The following RBMS3 variants were observed in gnomAD, a reference collection of about 807,000 sequenced individuals.
RBMS3 encodes the protein RNA binding motif single stranded interacting protein 3.
In RBMS3, 27 loss-of-function variants were observed where a neutral mutation model predicts 66.8. That is an observed-to-expected ratio of 0.40 (90% CI 0.30 to 0.56). RBMS3 has a LOEUF of 0.56. Among genes scored for constraint, RBMS3 ranks in the 20% least tolerant of loss-of-function variants. The pLI is 0.40. For synonymous variants in RBMS3, 188 were observed against 183.0 expected (o/e 1.03, Z -0.22); for missense variants, 513 against 549.5 (o/e 0.93, Z 0.66).
intron 11 of RBMS3, among the ~76,000 whole-genome samples, chr3:29,938,384 T>A (rs1442746207): frequency 6.6e-6 from 1 of 151,980 alleles, no homozygotes; most frequent in East Asian, 1.9e-4. Context: ...TTCCACTAGC[T>A]TTTTTCTTTT....
intron 6 of RBMS3, among the ~76,000 whole-genome samples, chr3:29,867,234 A>G (rs1266192529): frequency 1.3e-5 from 2 of 151,942 alleles, no homozygotes; most frequent in Non-Finnish European, 2.9e-5. Context: ...AAATGCAAGG[A>G]ATCTAGCTGG....
At chr3:29,432,015 A>G (rs750746965) in intron 1 of RBMS3, among the ~76,000 whole-genome samples, 6 of 152,178 alleles carry the variant, frequency 3.9e-5, no homozygotes, top group Non-Finnish European at 7.3e-5. Context: ...GGCGTGAACC[A>G]TAGTGCCCAG....
At chr3:29,999,214 TATC>T (rs1699451860) in intron 14 of RBMS3, among the ~76,000 whole-genome samples, 2 of 152,310 alleles carry the variant, frequency 1.3e-5, no homozygotes, top group African/African-American at 4.8e-5. Flanking sequence ...CACAATGAGA[TATC>T]ATGTTACACC....
chr3:29,826,674 T>C (rs994490410), intron 6 of RBMS3, among the ~76,000 whole-genome samples: 2 of 152,166 alleles, frequency 1.3e-5, no homozygotes, highest in South Asian at 2.1e-4. Flanking sequence ...TCTAATTACT[T>C]AACTTTTTCA....
rs1033695236 is a variant in RBMS3 at position 30,006,748 on chromosome 3, T to A, written c.*2886T>A. The A allele has an allele frequency of 1.3e-5, 2 of 151,982 alleles. No individual in the cohort carries two copies. Among genetic ancestry groups the A allele is most frequent in the Non-Finnish European group, 2.9e-5 (2 of 67,904 alleles). 9.4% of individuals were successfully genotyped at this position (151,982 alleles called of 1,614,324 possible). Reference sequence around the variant, plus strand: ...TTTTGTGAAAAAATAACCAAAAACATGTATTAATGTGATACAAAGAAAGTC... The same window carrying A: ...TTTTGTGAAAAAATAACCAAAAACAAGTATTAATGTGATACAAAGAAAGTC... On this transcript the variant is annotated 3_prime_UTR_variant, in exon 15 of 15. Transcript: ENST00000383767.
At chr3:29,345,836 G>C (rs1355238646) in intron 1 of RBMS3, among the ~76,000 whole-genome samples, 1 of 152,208 alleles carries the variant, frequency 6.6e-6, no homozygotes, top group African/African-American at 2.4e-5. Context: ...AGTAAGAGAA[G>C]TGTTTCAAAC....
At chr3:29,340,222 A>C (rs930300244) in intron 1 of RBMS3, among the ~76,000 whole-genome samples, 1 of 152,136 alleles carries the variant, frequency 6.6e-6, no homozygotes, top group African/African-American at 2.4e-5. Context: ...ACAACAACAA[A>C]AATAAGTATT....
chr3:29,686,021 A>G (rs899724806), intron 4 of RBMS3, among the ~76,000 whole-genome samples: 1 of 152,196 alleles, frequency 6.6e-6, no homozygotes, highest in African/African-American at 2.4e-5. Context: ...GATCTTCATT[A>G]CTGGAGATGG....
chr3:29,904,357 A>G (rs941999192), intron 10 of RBMS3, among the ~76,000 whole-genome samples: 4 of 152,032 alleles, frequency 2.6e-5, no homozygotes, highest in Non-Finnish European at 5.9e-5. Context: ...ATGAAATTAT[A>G]TATTTGCATG....
chr3:29,918,009 C>A (rs887517065), intron 10 of RBMS3, among the ~76,000 whole-genome samples: 3 of 152,084 alleles, frequency 2.0e-5, no homozygotes, highest in African/African-American at 7.2e-5. Context: ...CTGAATATAA[C>A]AGGATAATGT....
intron 1 of RBMS3, among the ~76,000 whole-genome samples, chr3:29,403,118 A>T (rs1168755457): frequency 2.0e-5 from 3 of 152,034 alleles, no homozygotes; most frequent in Non-Finnish European, 4.4e-5. Context: ...TCTCAAGCCA[A>T]ATAAAAGAGT....
intron 4 of RBMS3, among the ~76,000 whole-genome samples, chr3:29,646,377 A>G (rs2049921812): frequency 6.6e-6 from 1 of 152,212 alleles, no homozygotes; most frequent in Admixed American, 6.5e-5. Context: ...AGCAAAGTCA[A>G]TAAAAGTGGC....
At chr3:29,510,447 G>T (rs1387779467) in intron 3 of RBMS3, among the ~76,000 whole-genome samples, 1 of 152,172 alleles carries the variant, frequency 6.6e-6, no homozygotes, top group East Asian at 1.9e-4. Context: ...AGGGTTCCCT[G>T]CCTAGGTTAG....
intron 10 of RBMS3, among the ~76,000 whole-genome samples, chr3:29,901,482 T>C (rs1470606818): frequency 6.6e-6 from 1 of 151,810 alleles, no homozygotes; most frequent in Non-Finnish European, 1.5e-5. Flanking sequence ...TACTTCCAGA[T>C]CTATTAGGGG....
chr3:29,960,720 C>T (rs112980436), intron 12 of RBMS3, among the ~76,000 whole-genome samples: 15,561 of 152,168 alleles, frequency 0.1, 1,464 homozygotes, highest in African/African-American at 0.22. Context: ...GCAGGCTCAA[C>T]ACCACGTGGA....
chr3:29,771,673 T>C (rs548563832), intron 6 of RBMS3, among the ~76,000 whole-genome samples: 1 of 152,084 alleles, frequency 6.6e-6, no homozygotes, highest in African/African-American at 2.4e-5. Context: ...CTGGGTAATT[T>C]ATAAAAAAGA....
intron 3 of RBMS3, among the ~76,000 whole-genome samples, chr3:29,576,060 G>A (rs931317836): frequency 6.6e-6 from 1 of 152,088 alleles, no homozygotes; most frequent in Non-Finnish European, 1.5e-5. Flanking sequence ...TTTGATGCTT[G>A]TAGGTGTTCA....
At chr3:29,442,659 G>C (rs940901816) in intron 2 of RBMS3, among the ~76,000 whole-genome samples, 1 of 152,116 alleles carries the variant, frequency 6.6e-6, no homozygotes, top group African/African-American at 2.4e-5. Context: ...TGAGGGACTT[G>C]AGTTTTAAGG....
At chr3:29,332,792 G>A (rs992922965) in intron 1 of RBMS3, among the ~76,000 whole-genome samples, 4 of 152,052 alleles carry the variant, frequency 2.6e-5, no homozygotes, top group African/African-American at 7.2e-5. Context: ...TCAGAATCTT[G>A]CCCCAAATAT....
Sources: allele counts gnomAD v4.1 joint callset (sites outside exome capture counted in the v4.1 genomes callset), GRCh38; gene constraint gnomAD v4.1.1; transcripts MANE v1.5; gene names NCBI Gene and HGNC (gene_info 2026-07-23, HGNC 2026-07-21).